ADAMTS10: variants seen among roughly 807,000 people sequenced by gnomAD.
ADAMTS10 encodes the protein ADAM metallopeptidase with thrombospondin type 1 motif 10, also known as A disintegrin and metalloproteinase with thrombospondin motifs 10.
A neutral mutation model predicts 135.9 loss-of-function variants in ADAMTS10; 48 were observed. That is an observed-to-expected ratio of 0.35 (90% CI 0.28 to 0.45). The LOEUF is 0.45. ADAMTS10 is among the 20% of genes least tolerant of loss of function. ADAMTS10 has a pLI of 1.00. For missense variants in ADAMTS10, 1,131 were observed against 1,565.2 expected, an observed-to-expected ratio of 0.72 and a Z score of 4.68; for synonymous variants, 621 against 647.5, an observed-to-expected ratio of 0.96 and a Z score of 0.62.
intron 6 of ADAMTS10, among the ~76,000 whole-genome samples, chr19:8,600,669 T>G (rs550010758): frequency 6.6e-6 from 1 of 151,994 alleles, no homozygotes; most frequent in African/African-American, 2.4e-5. Flanking sequence ...CGGCTAATTT[T>G]TTGTATTTTT....
At chr19:8,586,989 A>G (rs2042441906) in intron 18 of ADAMTS10, 93 bp from the exon 19 acceptor site, 6 of 1,298,974 alleles carry the variant, frequency 4.6e-6, no homozygotes, top group Non-Finnish European at 6.7e-6. Flanking sequence ...ACAGCTAACT[A>G]TTACTGCGCT....
intron 6 of ADAMTS10, 152 bp downstream of exon 6, chr19:8,600,776 G>C (rs1369192906): frequency 3.4e-5 from 31 of 904,268 alleles, no homozygotes; most frequent in South Asian, 1.2e-4. Flanking sequence ...GGGATTACAG[G>C]TGTGAGCCAC....
chr19:8,607,028 G>T (rs558128033), intron 2 of ADAMTS10, among the ~76,000 whole-genome samples: 1 of 152,230 alleles, frequency 6.6e-6, no homozygotes, highest in East Asian at 1.9e-4. Flanking sequence ...CTGGAGGTTG[G>T]GTAGAGCCTG....
At position 8,585,614 on chromosome 19, in the gene ADAMTS10, C is replaced by T. The variant is rs2042417635; in HGVS notation, c.2707G>A (p.Gly903Ser). ...CACACGACCGAGCGGCTGCGCACGC[C>T]TGCATCGCAGCTGCGGCTGCAGAGC... Reference protein sequence around the residue: ...WSLCSRSCDAGVRSRSVVCQR... With the variant: ...WSLCSRSCDASVRSRSVVCQR... The change falls in exon 23 of 26, where the codon GGC (glycine) becomes AGC (serine). Residue 903 changes from glycine to serine, a missense_variant. Physicochemically the swap from Gly to Ser is moderately conservative, Grantham distance 56. Transcript: ENST00000597188. The T allele has an allele frequency of 6.2e-7, 1 of 1,611,774 alleles. No homozygotes were observed. Among genetic ancestry groups the T allele is most frequent in the Non-Finnish European group, 8.5e-7 (1 of 1,179,550 alleles).
At chr19:8,595,508 G>A (rs537461471) in intron 12 of ADAMTS10, 2 of 533,018 alleles carry the variant, frequency 3.8e-6, no homozygotes, top group Non-Finnish European at 6.8e-6. Flanking sequence ...TGGCCCCCCA[G>A]CCCAGCCCTC....
intron 15 of ADAMTS10, among the ~76,000 whole-genome samples, chr19:8,591,442 GTTTTTT>G (rs375476762): frequency 1.5e-5 from 2 of 130,418 alleles, no homozygotes; most frequent in South Asian, 4.7e-4. Context: ...TAGCGTTTTT[GTTTTTT>G]TTTTTTTTTT....
intron 5 of ADAMTS10, 55 bp downstream of exon 5, chr19:8,603,673 C>G: frequency 6.2e-7 from 1 of 1,610,484 alleles, no homozygotes; most frequent in Non-Finnish European, 8.5e-7. Flanking sequence ...ACACTGCTGC[C>G]TCAAGGGAAA....
chr19:8,590,073 C>A, intron 15 of ADAMTS10, 82 bp from the exon 16 acceptor site: 2 of 1,011,260 alleles, frequency 2.0e-6, no homozygotes, highest in Non-Finnish European at 3.1e-6. Context: ...GAAAGATGGG[C>A]TGGAGGAGGG....
chr19:8,607,942 C>G (rs989211705), intron 2 of ADAMTS10, among the ~76,000 whole-genome samples, 192 bp downstream of exon 2: 3 of 151,524 alleles, frequency 2.0e-5, no homozygotes, highest in African/African-American at 7.3e-5. Flanking sequence ...TCCCGAGTAG[C>G]TGGGACTACA....
Position 8,596,266 on chromosome 19 carries a change from A to G in ADAMTS10, c.1190+41T>C, listed in dbSNP as rs1555740163. 1 of 1,612,828 alleles carries G rather than the reference A, an allele frequency of 6.2e-7. No individual in the cohort carries two copies. Among genetic ancestry groups the G allele is most frequent in the African/African-American group, 1.3e-5 (1 of 75,014 alleles). ...CTGCCGGGCGCTGAGGGACCCGCCC[A>G]GCTCCTCCCCTCCTCCCCCTCTTGT... On this transcript the variant is annotated intron_variant, in intron 10 of 25. Coordinates refer to ENST00000597188, the MANE Select transcript of ADAMTS10 (RefSeq NM_030957.4). This position sits in a 1 kb window ranked among gnomAD's most constrained non-coding sequence, Gnocchi z 7.2.
chr19:8,589,210 G>A (rs1555738050), intron 18 of ADAMTS10, 32 bp downstream of exon 18: 6 of 1,611,526 alleles, frequency 3.7e-6, no homozygotes, highest in Middle Eastern at 3.4e-4. Flanking sequence ...GGCCCATGCA[G>A]GGAGTGTGGG....
intron 25 of ADAMTS10, among the ~76,000 whole-genome samples, chr19:8,581,695 C>A (rs782471669): frequency 6.6e-6 from 1 of 151,702 alleles, no homozygotes; most frequent in Non-Finnish European, 1.5e-5. Context: ...ATTAGCTGGG[C>A]GTGGTGGCGG....
At chr19:8,591,529 C>T (rs2042527286) in intron 15 of ADAMTS10, among the ~76,000 whole-genome samples, 1 of 151,610 alleles carries the variant, frequency 6.6e-6, no homozygotes, top group South Asian at 2.1e-4. Flanking sequence ...GCAGCCTCCG[C>T]CTCCCGGGTT....
Position 8,580,710 on chromosome 19 carries a change from G to T in ADAMTS10, c.*183C>A. 1.7e-6 allele frequency: 1 copy of T among 595,278 alleles called. No homozygotes were observed. Among genetic ancestry groups the T allele is most frequent in the East Asian group, 2.8e-5 (1 of 35,164 alleles). The allele number at this position is 595,278 out of a possible 1,614,324, so 36.9% of individuals were successfully genotyped here. ...GCGGATGCTGAAGAGGGGCTCTGGG[G>T]GGATAGCCAGCCCCTCTCCATCCCC... On this transcript the variant is annotated 3_prime_UTR_variant, in exon 26 of 26. Coordinates refer to ENST00000597188, the MANE Select transcript of ADAMTS10 (RefSeq NM_030957.4).
At chr19:8,598,358 T>C (rs972510889) in intron 6 of ADAMTS10, among the ~76,000 whole-genome samples, 2 of 151,676 alleles carry the variant, frequency 1.3e-5, no homozygotes, top group African/African-American at 4.9e-5. Flanking sequence ...GATATACATG[T>C]CTGAGTTCAT....
intron 13 of ADAMTS10, among the ~76,000 whole-genome samples, chr19:8,592,527 G>A (rs1416660395): frequency 6.6e-6 from 1 of 152,026 alleles, no homozygotes; most frequent in South Asian, 2.1e-4. Flanking sequence ...TGGCCAACGC[G>A]GGAGGGAGTT....
chr19:8,582,244 C>A (rs371584442), intron 25 of ADAMTS10, among the ~76,000 whole-genome samples: 1 of 151,888 alleles, frequency 6.6e-6, no homozygotes, highest in African/African-American at 2.4e-5. Flanking sequence ...CTGAGTCGGG[C>A]GGATCATGAG....
At chr19:8,587,857 G>A (rs1287276936) in intron 18 of ADAMTS10, among the ~76,000 whole-genome samples, 3 of 149,966 alleles carry the variant, frequency 2.0e-5, no homozygotes, top group African/African-American at 4.9e-5. Flanking sequence ...CATGAACCTG[G>A]TAGGTGGAGC....
intron 25 of ADAMTS10, chr19:8,582,501 C>T (rs1403459668): frequency 1.3e-5 from 2 of 152,170 alleles, no homozygotes; most frequent in Non-Finnish European, 2.9e-5. Context: ...AAAACAAAAC[C>T]TGAAGCTCTT....
Sources: allele counts gnomAD v4.1 joint callset (sites outside exome capture counted in the v4.1 genomes callset), GRCh38; gene constraint gnomAD v4.1.1; non-coding constraint Gnocchi (gnomAD v3.1); transcripts MANE v1.5; gene names NCBI Gene and HGNC (gene_info 2026-07-23, HGNC 2026-07-21).